Variants in PDGFRA observed in about 807,000 individuals in gnomAD.
PDGFRA encodes platelet derived growth factor receptor alpha, also known as platelet-derived growth factor receptor alpha.
A neutral mutation model predicts 121.5 loss-of-function variants in PDGFRA; 25 were observed. The observed-to-expected ratio is 0.21, with a 90% confidence interval of 0.15 to 0.29. PDGFRA has a LOEUF of 0.29. Ranked by LOEUF, PDGFRA falls within the 10% of genes least tolerant of loss-of-function variation. PDGFRA has a pLI of 1.00. For missense variants in PDGFRA, 1,008 were observed against 1,345.1 expected (o/e 0.75, Z 3.92); for synonymous variants, 463 against 494.8 (o/e 0.94, Z 0.85).
chr4:54,267,333 C>A lies in PDGFRA; in HGVS notation c.804C>A (p.Ser268=), dbSNP rs1577714585. Residue 268 remains serine (S), a synonymous_variant, in exon 6 of 23, where the codon TCC becomes TCA. Transcript: ENST00000257290. ...TGCTGGAAGAAATCAAAGTCCCATC[C>A]ATCAAATTGGTGTACACTTTGACGG... ...ITMLEEIKVP[S]IKLVYTLTVP... 1.9e-6 allele frequency: 3 copies of A among 1,614,178 alleles called. No individual in the cohort carries two copies. The highest frequency in any genetic ancestry group is 2.5e-6 in the Non-Finnish European group (3 of 1,180,012).
At chr4:54,236,204 A>C (rs1192853988) in intron 1 of PDGFRA, among the ~76,000 whole-genome samples, 2 of 152,246 alleles carry the variant, frequency 1.3e-5, no homozygotes, top group Non-Finnish European at 2.9e-5. Flanking sequence ...TCTTCCCTGC[A>C]AAGGGGGTTG....
intron 1 of PDGFRA, among the ~76,000 whole-genome samples, chr4:54,234,092 G>A (rs1720868805): frequency 6.6e-6 from 1 of 152,208 alleles, no homozygotes; most frequent in Non-Finnish European, 1.5e-5. Flanking sequence ...CTGCGGCCTA[G>A]CCCAGCAGCG....
intron 18 of PDGFRA, 113 bp from the exon 19 acceptor site, chr4:54,287,317 C>G: frequency 2.6e-6 from 2 of 763,758 alleles, no homozygotes; most frequent in South Asian, 2.7e-5. Context: ...TCAAATGGGA[C>G]AAGATAATTA....
In PDGFRA at chr4:54,290,344, A is replaced by C. The variant is rs1192943586; in HGVS notation, c.2912A>C (p.Lys971Thr). 1 of 1,612,296 alleles carries C rather than the reference A, an allele frequency of 6.2e-7. No homozygotes were observed. Among genetic ancestry groups the C allele is most frequent in the South Asian group, 1.1e-5 (1 of 91,056 alleles). The change falls in exon 22 of 23, where the codon AAG (lysine) becomes ACG (threonine). Residue 971 changes from lysine to threonine, a missense_variant. Coordinates refer to ENST00000257290, the MANE Select transcript of PDGFRA (RefSeq NM_006206.6). ...GAAAAAATTCACCTGGACTTCCTGA[A>C]GAGTGACCATCCTGCTGTGGCACGC... is the stretch of plus-strand genomic sequence containing the variant. ...SYEKIHLDFL[K>T]SDHPAVARMR... is the part of the protein sequence containing the mutation.
At chr4:54,236,707 A>G (rs1459255034) in intron 1 of PDGFRA, among the ~76,000 whole-genome samples, 3 of 152,044 alleles carry the variant, frequency 2.0e-5, no homozygotes, top group Non-Finnish European at 4.4e-5. Context: ...GGAGGCTGAG[A>G]CAGGAGAATC....
chr4:54,257,078 G>A (rs1356757990), intron 1 of PDGFRA, among the ~76,000 whole-genome samples: 4 of 151,990 alleles, frequency 2.6e-5, no homozygotes, highest in African/African-American at 9.7e-5. Context: ...GAAGAAGGAA[G>A]CCGAAACCCA....
intron 19 of PDGFRA, among the ~76,000 whole-genome samples, chr4:54,288,033 C>G (rs1394670122): frequency 6.6e-6 from 1 of 152,132 alleles, no homozygotes; most frequent in African/African-American, 2.4e-5. Context: ...CTGGGCTATC[C>G]GGTGAGGTCC....
intron 5 of PDGFRA, among the ~76,000 whole-genome samples, chr4:54,265,755 G>A (rs1722996799): frequency 6.6e-6 from 1 of 152,194 alleles, no homozygotes; most frequent in African/African-American, 2.4e-5. Context: ...TTGTCACTAA[G>A]TGTGTAAGAC....
chr4:54,251,427 T>C (rs557465544), intron 1 of PDGFRA, among the ~76,000 whole-genome samples: 23 of 152,312 alleles, frequency 1.5e-4, no homozygotes, highest in African/African-American at 5.3e-4. Flanking sequence ...TGAAAACTAT[T>C]TGGGAGTATT....
chr4:54,245,648 G>T (rs1360253663), intron 1 of PDGFRA, among the ~76,000 whole-genome samples: 1 of 151,936 alleles, frequency 6.6e-6, no homozygotes, highest in Non-Finnish European at 1.5e-5. Context: ...GGAAGAAACT[G>T]CATCAACTAA....
Position 54,264,168 on chromosome 4 carries a change from G to A in PDGFRA, c.628+241G>A, listed in dbSNP as rs1452053265. 7.1e-6 allele frequency: 4 copies of A among 563,250 alleles called. No individual in the cohort carries two copies. The Admixed American group carries it at 1.3e-4, about 18-fold the overall frequency. 34.9% of individuals were successfully genotyped at this position (563,250 alleles called of 1,614,324 possible). A position where few individuals can be genotyped will look rare whatever the true frequency, so the allele number is the denominator to read the frequency against. ...TTTCATCAGTTGACTTCAAAATACT[G>A]TAAGGAATTCTTTTCTTACATAAGC... is the stretch of plus-strand genomic sequence containing the variant. On this transcript the variant is annotated intron_variant, in intron 4 of 22. Coordinates refer to ENST00000257290, the MANE Select transcript of PDGFRA (RefSeq NM_006206.6).
chr4:54,246,152 G>A (rs937150890), intron 1 of PDGFRA, among the ~76,000 whole-genome samples: 3 of 152,138 alleles, frequency 2.0e-5, no homozygotes, highest in Non-Finnish European at 4.4e-5. Flanking sequence ...ATATTAGACA[G>A]ATCAACGAGA....
At position 54,274,908 on chromosome 4, in the gene PDGFRA, A is replaced by T. The variant is rs924618799; in HGVS notation, c.1721A>T (p.Tyr574Phe). 4 of 1,613,954 alleles carry T rather than the reference A, an allele frequency of 2.5e-6. No homozygotes were observed. Among genetic ancestry groups the T allele is most frequent in the Non-Finnish European group, 3.4e-6 (4 of 1,179,958 alleles). ...SISPDGHEYIYVDPMQLPYDS... is the reference protein window; with the variant it reads ...SISPDGHEYIFVDPMQLPYDS... ...AGCCCAGATGGACATGAATATATTTATGTGGACCCGATGCAGCTGCCTTAT... is the reference window on the plus strand; with the variant it reads ...AGCCCAGATGGACATGAATATATTTTTGTGGACCCGATGCAGCTGCCTTAT... The change falls in exon 12 of 23, where the codon TAT (tyrosine) becomes TTT (phenylalanine). Residue 574 changes from tyrosine (Y) to phenylalanine (F), a missense_variant. Physicochemically the swap from Tyr to Phe is conservative, Grantham distance 22. This residue lies in a region of PDGFRA where 61 missense variants were observed against 125.3 expected (regional missense o/e 0.49). Coordinates refer to ENST00000257290, the MANE Select transcript of PDGFRA (RefSeq NM_006206.6).
intron 22 of PDGFRA, among the ~76,000 whole-genome samples, chr4:54,293,035 TA>T (rs925143604): frequency 4.2e-4 from 63 of 151,782 alleles, no homozygotes; most frequent in African/African-American, 1.1e-3. Context: ...AAATAAAAGT[TA>T]AAAAAAAATT....
chr4:54,246,883 G>T (rs912130190), intron 1 of PDGFRA, among the ~76,000 whole-genome samples: 10 of 151,746 alleles, frequency 6.6e-5, no homozygotes, highest in African/African-American at 2.4e-4. Context: ...ATGATAAAGG[G>T]GATATCACCA....
rs1370672831 is a variant in PDGFRA, at chr4:54,280,371, G to C, written c.2212G>C (p.Asp738His). The change falls in exon 16 of 23, where the codon GAT (aspartate) becomes CAT (histidine). Residue 738 changes from aspartate (D) to histidine (H), a missense_variant. Asp to His is a moderately conservative substitution (Grantham distance 81). Transcript: ENST00000257290. ...NGDYMDMKQA[D>H]TTQYVPMLER... ...TGACTACATGGACATGAAGCAGGCTGATACTACACAGTATGTCCCCATGCT... is the reference window on the plus strand; with the variant it reads ...TGACTACATGGACATGAAGCAGGCTCATACTACACAGTATGTCCCCATGCT... The C allele has an allele frequency of 6.2e-7, 1 of 1,612,704 alleles. No homozygotes were observed. The highest frequency in any genetic ancestry group is 1.7e-5 in the Admixed American group (1 of 59,994).
chr4:54,264,255 G>A (rs1722914356), intron 4 of PDGFRA: 1 of 451,636 alleles, frequency 2.2e-6, no homozygotes, highest in Non-Finnish European at 3.9e-6. Context: ...CACCCAGGGG[G>A]TTAGATGCCT....
intron 1 of PDGFRA, among the ~76,000 whole-genome samples, chr4:54,238,745 T>G (rs1721141576): frequency 2.0e-5 from 3 of 152,126 alleles, no homozygotes; most frequent in Admixed American, 2.0e-4. Flanking sequence ...GCAGGAAGAT[T>G]GCTTGAGCCC....
In PDGFRA at chr4:54,246,980, A is replaced by T. The variant is rs1188963510; in HGVS notation, c.-12-11777A>T. 5.3e-5 allele frequency among the ~76,000 whole-genome samples: 8 copies of T among 152,230 alleles called. No individual in the cohort carries two copies. In the East Asian group the frequency reaches 1.5e-3, roughly 29 times the overall value. ...ACTAGAAAATCTAGAAGAAGTGGAT[A>T]AATTCCTCGACACATACACCCTCCC... On this transcript the variant is annotated intron_variant, in intron 1 of 22. Coordinates refer to ENST00000257290, the MANE Select transcript of PDGFRA (RefSeq NM_006206.6).
Sources: gnomAD v4.1 joint callset for allele counts (sites outside exome capture counted in the v4.1 genomes callset) on GRCh38, gnomAD v4.1.1 for gene constraint, gnomAD v4.1.1 regional missense constraint, MANE v1.5 for transcripts, NCBI Gene and HGNC (gene_info 2026-07-23, HGNC 2026-07-21) for gene names.